The following MTHFD2L variants were observed in gnomAD, a reference collection of about 807,000 sequenced individuals.
MTHFD2L encodes the protein bifunctional methylenetetrahydrofolate dehydrogenase/cyclohydrolase 2, mitochondrial.
A neutral mutation model predicts 34.9 loss-of-function variants in MTHFD2L; 29 were observed. The observed-to-expected ratio is 0.83, with a 90% confidence interval of 0.62 to 1.13. MTHFD2L has a LOEUF of 1.13. Among genes scored for constraint, MTHFD2L ranks in the 50% most tolerant of loss-of-function variants. MTHFD2L has a pLI of 0.00. For missense variants in MTHFD2L, 481 were observed against 446.5 expected (o/e 1.08, Z -0.70); for synonymous variants, 167 against 155.7 (o/e 1.07, Z -0.54).
At chr4:74,128,468 G>A (rs1183118832) in intron 1 of MTHFD2L, among the ~76,000 whole-genome samples, 1 of 151,960 alleles carries the variant, frequency 6.6e-6, no homozygotes, top group Non-Finnish European at 1.5e-5. Context: ...ATTTATGAAA[G>A]AGACTGCCCT....
chr4:74,143,307 T>G, intron 1 of MTHFD2L: 1 of 550,458 alleles, frequency 1.8e-6, no homozygotes, highest in Non-Finnish European at 2.3e-6. Flanking sequence ...GAGTGTAGAA[T>G]GGAGTTTTCA....
intron 7 of MTHFD2L, among the ~76,000 whole-genome samples, chr4:74,300,878 C>T (rs1455074478): frequency 1.3e-5 from 2 of 152,036 alleles, no homozygotes; most frequent in African/African-American, 2.4e-5. Flanking sequence ...TTACATTAGC[C>T]TATATTTGGA....
At chr4:74,291,223 AC>A (rs1484431855) in intron 7 of MTHFD2L, among the ~76,000 whole-genome samples, 8 of 150,380 alleles carry the variant, frequency 5.3e-5, no homozygotes, top group Non-Finnish European at 1.2e-4. Flanking sequence ...CACCATGTTG[AC>A]CAGGATGGTC....
At chr4:74,116,906 AC>A (rs1721664324) in intron 2 of MTHFD2L, among the ~76,000 whole-genome samples, 1 of 152,242 alleles carries the variant, frequency 6.6e-6, no homozygotes, top group African/African-American at 2.4e-5. Flanking sequence ...CATGTCTGCT[AC>A]ATTAAAATTA....
intron 6 of MTHFD2L, among the ~76,000 whole-genome samples, chr4:74,256,511 G>A (rs1032704726): frequency 3.3e-5 from 5 of 152,014 alleles, no homozygotes; most frequent in East Asian, 1.9e-4. Flanking sequence ...TTTCTTCTAC[G>A]ATTCTTATAG....
chr4:74,238,525 G>A (rs563688085), intron 6 of MTHFD2L, among the ~76,000 whole-genome samples: 38 of 152,194 alleles, frequency 2.5e-4, no homozygotes, highest in African/African-American at 5.3e-4. Context: ...TCTGCACAGC[G>A]AAAGACACTG....
At position 74,210,437 on chromosome 4, in the gene MTHFD2L, TA is replaced by T. The variant is rs539974990; in HGVS notation, c.712+9070del. On this transcript the variant is annotated intron_variant, in intron 5 of 7. Transcript: ENST00000325278. ...AGCCAGTTTTCCCAACACCATTGAT[TA>T]AATAGGGAATCCTTTCCCCATTACT... is the stretch of plus-strand genomic sequence containing the variant. Among the ~76,000 whole-genome samples the T allele has an allele frequency of 2.7e-4, 41 of 152,164 alleles. No individual in the cohort carries two copies. The East Asian group carries it at 7.7e-3, about 29-fold the overall frequency.
At chr4:74,160,495 C>A (rs181218799) in intron 1 of MTHFD2L, 1 of 154,248 alleles carries the variant, frequency 6.5e-6, no homozygotes, top group Admixed American at 6.4e-5. Flanking sequence ...TTTGAAGTAT[C>A]GTTTAACATT....
At chr4:74,272,568 A>T (rs1746132599) in intron 6 of MTHFD2L, among the ~76,000 whole-genome samples, 1 of 152,050 alleles carries the variant, frequency 6.6e-6, no homozygotes, top group South Asian at 2.1e-4. Context: ...CAGTATCTGC[A>T]ACTGGCTTTA....
intron 1 of MTHFD2L, among the ~76,000 whole-genome samples, chr4:74,128,003 G>T (rs1252885057): frequency 6.6e-6 from 1 of 152,042 alleles, no homozygotes; most frequent in South Asian, 2.1e-4. Flanking sequence ...GACTAGTGAT[G>T]TTGAGTATTT....
chr4:74,226,936 AGATT>A (rs946314654), intron 6 of MTHFD2L, among the ~76,000 whole-genome samples: 7 of 152,170 alleles, frequency 4.6e-5, no homozygotes, highest in Admixed American at 2.6e-4. Flanking sequence ...ATACTGTTTT[AGATT>A]GATTGATTGG....
chr4:74,247,852 C>T lies in MTHFD2L; in HGVS notation c.805+22458C>T, dbSNP rs1399707397. Among the ~76,000 whole-genome samples, 8 of 152,190 alleles carry T rather than the reference C, an allele frequency of 5.3e-5. No individual in the cohort carries two copies. The South Asian group carries it at 1.7e-3, about 32-fold the overall frequency. On this transcript the variant is annotated intron_variant, in intron 6 of 7. Transcript: ENST00000325278. ...AGCCCACTTGATCATGGTGGATAAG[C>T]TTTTTGATGTGCTGCTGGATTCGGT...
chr4:74,158,203 G>A lies in MTHFD2L; in HGVS notation c.65G>A (p.Gly22Asp), dbSNP rs750351997. ...RGRLGRAPAL[G>D]RSTAPSVRAP... ...CGCCTTGGCCGAGCGCCGGCGTTGG[G>A]CAGAAGCACAGCACCCTCCGTAAGG... The change falls in exon 1 of 8, where the codon GGC becomes GAC. Residue 22 changes from glycine to aspartate, a missense_variant. Physicochemically the swap from Gly to Asp is moderately conservative, Grantham distance 94. Transcript: ENST00000325278. The A allele has an allele frequency of 2.0e-6, 3 of 1,525,000 alleles. No homozygotes were observed. In the South Asian group the frequency reaches 3.7e-5, roughly 19 times the overall value. The allele number at this position is 1,525,000 out of a possible 1,614,324, so 94.5% of individuals were successfully genotyped here.
At position 74,192,521 on chromosome 4, in the gene MTHFD2L, T is replaced by G. The variant is rs75554109; in HGVS notation, c.452-7273T>G. On this transcript the variant is annotated intron_variant, in intron 3 of 7. Transcript: ENST00000325278. ...TATGTGAAATTTACATGCATTGAAATGTACACATCTTATATGTATTATTCC... is the reference window on the plus strand; with the variant it reads ...TATGTGAAATTTACATGCATTGAAAGGTACACATCTTATATGTATTATTCC... Among the ~76,000 whole-genome samples, 78 of 152,296 alleles carry G rather than the reference T, an allele frequency of 5.1e-4. 1 individual carries two copies. The East Asian group carries it at 0.014, about 28-fold the overall frequency.
chr4:74,140,508 T>A, intron 1 of MTHFD2L: 1 of 923,680 alleles, frequency 1.1e-6, no homozygotes, highest in Non-Finnish European at 1.3e-6. Context: ...CTCAATTATA[T>A]ATTTTTCACT....
intron 1 of MTHFD2L, among the ~76,000 whole-genome samples, chr4:74,141,384 C>G (rs1723268304): frequency 6.6e-6 from 1 of 152,174 alleles, no homozygotes; most frequent in Non-Finnish European, 1.5e-5. Flanking sequence ...GAAAGTCAGG[C>G]CTGCTGCCAA....
intron 1 of MTHFD2L, among the ~76,000 whole-genome samples, chr4:74,148,320 C>CT (rs1216756880): frequency 6.7e-6 from 1 of 149,906 alleles, no homozygotes; most frequent in Admixed American, 6.6e-5. Context: ...TGTGGTCCCC[C>CT]CCTTTTTTAT....
At chr4:74,290,088 G>A (rs1748687643) in intron 7 of MTHFD2L, among the ~76,000 whole-genome samples, 1 of 152,114 alleles carries the variant, frequency 6.6e-6, no homozygotes, top group Non-Finnish European at 1.5e-5. Context: ...CAAATATCTG[G>A]TGCCTTATTT....
At chr4:74,247,931 C>T (rs1211531989) in intron 6 of MTHFD2L, among the ~76,000 whole-genome samples, 6 of 152,262 alleles carry the variant, frequency 3.9e-5, no homozygotes, top group African/African-American at 1.4e-4. Flanking sequence ...GGATATTGGT[C>T]TAAAATTCTC....
Sources: gnomAD v4.1 joint callset for allele counts (sites outside exome capture counted in the v4.1 genomes callset) on GRCh38, gnomAD v4.1.1 for gene constraint, MANE v1.5 for transcripts, NCBI Gene and HGNC (gene_info 2026-07-23, HGNC 2026-07-21) for gene names.